Variants in HDGF observed in about 807,000 individuals in gnomAD.
HDGF encodes the protein heparin binding growth factor, also known as hepatoma-derived growth factor.
Under a neutral mutation model 30.0 loss-of-function variants are expected in HDGF, and 5 were observed. That is an observed-to-expected ratio of 0.17 (90% confidence interval 0.09 to 0.35). HDGF has a LOEUF of 0.35. Ranked by LOEUF, HDGF falls within the 10% of genes least tolerant of loss-of-function variation. HDGF has a pLI of 1.00. For synonymous variants in HDGF, 133 were observed against 112.7 expected, an observed-to-expected ratio of 1.18 and a Z score of -1.14; for missense variants, 214 against 302.8, an observed-to-expected ratio of 0.71 and a Z score of 2.18.
intron 3 of HDGF, among the ~76,000 whole-genome samples, chr1:156,744,793 G>C (rs747851976): frequency 4.6e-5 from 7 of 152,056 alleles, no homozygotes; most frequent in Non-Finnish European, 1.0e-4. Context: ...TTGCCCCCCA[G>C]ACTGCTGTCT....
upstream of HDGF, among the ~76,000 whole-genome samples, chr1:156,755,356 G>A (rs912970909): frequency 2.6e-5 from 4 of 152,210 alleles, no homozygotes; most frequent in Non-Finnish European, 5.9e-5. Context: ...CGGAGAGATG[G>A]AGTTTACAGT....
chr1:156,752,397 A>G (rs1294407896), upstream of HDGF: 11 of 1,544,610 alleles, frequency 7.1e-6, no homozygotes, highest in African/African-American at 1.2e-4. Flanking sequence ...TGTCTTGCCA[A>G]GGAGACTTGG....
intron 3 of HDGF, chr1:156,744,648 C>G (rs980414897): frequency 2.3e-6 from 2 of 874,368 alleles, no homozygotes; most frequent in African/African-American, 1.8e-5. Context: ...CCCCGCCCCC[C>G]ACCCTCCCGC....
chr1:156,765,080 C>A (rs550115302), intron 1 of HDGF, among the ~76,000 whole-genome samples: 1 of 150,602 alleles, frequency 6.6e-6, no homozygotes, highest in Non-Finnish European at 1.5e-5. Context: ...ATACTTTATC[C>A]GCGCCCCCCC....
chr1:156,751,231 C>T lies in HDGF; in HGVS notation c.87+112G>A, dbSNP rs559929989. ...CGACAGAGAAAGAGCCGGAGACCTA[C>T]AAGCCCCCTGCCCCCACCTCTGCCC... is the stretch of plus-strand genomic sequence containing the variant. On this transcript the variant is annotated intron_variant, in intron 1 of 5. Coordinates refer to ENST00000357325, the MANE Select transcript of HDGF (RefSeq NM_004494.3). The surrounding 1 kb of genome is among the most constrained non-coding windows in gnomAD (Gnocchi z 4.7). 1.2e-4 allele frequency: 157 copies of T among 1,308,368 alleles called. 2 individuals carry two copies. In the East Asian group the frequency reaches 5.0e-3, roughly 41 times the overall value. 81.0% of individuals were successfully genotyped at this position (1,308,368 alleles called of 1,614,324 possible).
upstream of HDGF, among the ~76,000 whole-genome samples, chr1:156,767,086 C>T (rs1263001524): frequency 2.0e-5 from 3 of 152,218 alleles, no homozygotes; most frequent in South Asian, 2.1e-4. Context: ...GAAGCTTCAC[C>T]AGTTCATTTA....
chr1:156,765,383 G>T (rs57812210), intron 1 of HDGF, among the ~76,000 whole-genome samples: 6,435 of 150,326 alleles, frequency 0.043, 495 homozygotes, highest in African/African-American at 0.15. Context: ...GTGAGCCACC[G>T]CACCCGACCT....
chr1:156,765,869 G>A (rs1297397381), intron 1 of HDGF, among the ~76,000 whole-genome samples: 2 of 152,158 alleles, frequency 1.3e-5, no homozygotes, highest in Non-Finnish European at 2.9e-5. Flanking sequence ...AGATTTGAAA[G>A]CAGATTTTAG....
Position 156,745,140 on chromosome 1 carries a change from G to A in HDGF, c.171C>T (p.Phe57=). The change falls in exon 3 of 6, where the codon TTC becomes TTT. Residue 57 remains phenylalanine, a synonymous_variant. Coordinates refer to ENST00000357325, the MANE Select transcript of HDGF (RefSeq NM_004494.3). ...VFFFGTHETA[F]LGPKDLFPYE... ...AAGGGAAGAGGTCTTTGGGGCCCAG[G>A]AATGCCCTGGTGAGAGATGGGAGAC... 6.2e-7 allele frequency: 1 copy of A among 1,613,966 alleles called. No individual in the cohort carries two copies. The highest frequency in any genetic ancestry group is 1.3e-5 in the African/African-American group (1 of 74,972).
At chr1:156,762,598 C>T (rs577919050) in intron 1 of HDGF, among the ~76,000 whole-genome samples, 5 of 151,536 alleles carry the variant, frequency 3.3e-5, no homozygotes, top group South Asian at 2.1e-4. Flanking sequence ...TGGCCAGGCG[C>T]GGTGGCTCAT....
At chr1:156,753,137 A>T (rs112793162), upstream of HDGF, among the ~76,000 whole-genome samples, 1,760 of 152,332 alleles carry the variant, frequency 0.012, 39 homozygotes, top group African/African-American at 0.04. Context: ...AGAGTCCTGC[A>T]TGACACTTGG....
chr1:156,745,207 G>T lies in HDGF; in HGVS notation c.165-61C>A. On this transcript the variant is annotated intron_variant, in intron 2 of 5. Coordinates refer to ENST00000357325, the MANE Select transcript of HDGF (RefSeq NM_004494.3). ...TCACTGCCCCTGAGCTGCACAGCCC[G>T]GCATGAAAGGGGCACCAACACCACC... The T allele has an allele frequency of 1.9e-6, 3 of 1,610,382 alleles. No individual in the cohort carries two copies. The South Asian group carries it at 3.3e-5, about 18-fold the overall frequency.
At chr1:156,767,185 G>A (rs371453758), upstream of HDGF, among the ~76,000 whole-genome samples, 73 of 152,192 alleles carry the variant, frequency 4.8e-4, no homozygotes, top group African/African-American at 1.7e-3. Context: ...GTTTCTAAGA[G>A]CATCATATCT....
At chr1:156,765,472 C>CTTTTTTTTTTTTTTTTTTT (rs71080793) in intron 1 of HDGF, among the ~76,000 whole-genome samples, 6 of 85,982 alleles carry the variant, frequency 7.0e-5, no homozygotes, top group East Asian at 3.7e-4. Context: ...TTCTTTCTTT[C>CTTTTTTTTTTTTTTTTTTT]TTTTTTTTTT....
chr1:156,752,255 CG>C (rs1271433839), upstream of HDGF: 2 of 1,551,794 alleles, frequency 1.3e-6, no homozygotes, highest in South Asian at 2.4e-5. Context: ...CTGGAAACGT[CG>C]GGGATTTGAG....
upstream of HDGF, chr1:156,752,259 G>C (rs1167774032): frequency 6.4e-7 from 1 of 1,551,810 alleles, no homozygotes; most frequent in South Asian, 1.2e-5. Context: ...AAACGTCGGG[G>C]ATTTGAGCCC....
chr1:156,756,821 G>A, upstream of HDGF, among the ~76,000 whole-genome samples: 1 of 131,462 alleles, frequency 7.6e-6, no homozygotes, highest in African/African-American at 2.9e-5. Flanking sequence ...TTGAGATAGA[G>A]TCTCACTCTG....
intron 1 of HDGF, among the ~76,000 whole-genome samples, chr1:156,760,619 T>A (rs1213832763): frequency 6.6e-6 from 1 of 152,128 alleles, no homozygotes; most frequent in Admixed American, 6.5e-5. Flanking sequence ...AGGCCCTGGA[T>A]GAGTGTTGGG....
chr1:156,751,791 C>CCCTCCTCATTATTATTATTATTATTG, upstream of HDGF: 1 of 1,156,430 alleles, frequency 8.6e-7, no homozygotes, highest in Non-Finnish European at 1.1e-6. This position sits in a 1 kb window ranked among gnomAD's most constrained non-coding sequence, Gnocchi z 4.7. Flanking sequence ...GCCCCCCAAC[C>CCCTCCTCATTATTATTATTATTATTG]TCGCGCTCCC....
Sources: allele counts gnomAD v4.1 joint callset (sites outside exome capture counted in the v4.1 genomes callset), GRCh38; gene constraint gnomAD v4.1.1; non-coding constraint Gnocchi (gnomAD v3.1); transcripts MANE v1.5; gene names NCBI Gene and HGNC (gene_info 2026-07-23, HGNC 2026-07-21).